Variants in DNAJC17 observed in about 807,000 individuals in gnomAD.
DNAJC17 encodes the protein DnaJ heat shock protein family (Hsp40) member C17, also known as dnaJ homolog subfamily C member 17.
A neutral mutation model predicts 48.1 loss-of-function variants in DNAJC17; 35 were observed. The ratio of observed to expected loss-of-function variants is 0.73; its 90% CI spans 0.56 to 0.96. DNAJC17 has a LOEUF of 0.96. DNAJC17 is among the 50% of genes least tolerant of loss of function. DNAJC17 has a pLI of 0.00. For synonymous variants in DNAJC17, 117 were observed against 142.7 expected (o/e 0.82, Z 1.28); for missense variants, 355 against 377.1 (o/e 0.94, Z 0.48).
At chr15:40,797,584 TG>T (rs1225059735) in intron 1 of DNAJC17, among the ~76,000 whole-genome samples, 1 of 151,590 alleles carries the variant, frequency 6.6e-6, no homozygotes, top group African/African-American at 2.4e-5. Flanking sequence ...AGCTAATTTT[TG>T]TATTTTAGTA....
intron 1 of DNAJC17, among the ~76,000 whole-genome samples, chr15:40,804,653 A>C (rs1446510684): frequency 6.6e-6 from 1 of 152,224 alleles, no homozygotes; most frequent in Non-Finnish European, 1.5e-5. Flanking sequence ...TCTCTAATTA[A>C]TAGAGAATGA....
chr15:40,795,846 C>T (rs1409259795), intron 1 of DNAJC17, among the ~76,000 whole-genome samples: 4 of 152,140 alleles, frequency 2.6e-5, no homozygotes, highest in African/African-American at 9.7e-5. Context: ...GAGCCAAGAT[C>T]GTGCCACTGC....
At chr15:40,797,362 C>G (rs1349959057) in intron 1 of DNAJC17, among the ~76,000 whole-genome samples, 1 of 152,112 alleles carries the variant, frequency 6.6e-6, no homozygotes, top group South Asian at 2.1e-4. Context: ...AGAGCGAGAC[C>G]CTGTTTCATC....
intron 1 of DNAJC17, among the ~76,000 whole-genome samples, chr15:40,786,402 G>A (rs955885369): frequency 1.3e-5 from 2 of 152,122 alleles, no homozygotes; most frequent in African/African-American, 4.8e-5. Flanking sequence ...AGTGGCTCAC[G>A]CCTGTAATCC....
intron 1 of DNAJC17, among the ~76,000 whole-genome samples, chr15:40,794,116 C>A (rs983597177): frequency 1.3e-5 from 2 of 152,108 alleles, no homozygotes; most frequent in Non-Finnish European, 2.9e-5. Context: ...CTTTGGGAGG[C>A]CGAGGCGGGC....
chr15:40,801,531 C>T (rs984281250), intron 1 of DNAJC17, among the ~76,000 whole-genome samples: 4 of 151,886 alleles, frequency 2.6e-5, no homozygotes, highest in Non-Finnish European at 5.9e-5. Flanking sequence ...CCGAGGTGGG[C>T]GGATCACGAG....
At chr15:40,779,451 T>C in intron 3 of DNAJC17, 94 bp downstream of exon 3, 1 of 1,577,896 alleles carries the variant, frequency 6.3e-7, no homozygotes, top group Non-Finnish European at 8.7e-7. Context: ...CAGCAAGGAC[T>C]GTGCCACATG....
At chr15:40,792,151 A>T (rs1446153040) in intron 1 of DNAJC17, among the ~76,000 whole-genome samples, 1 of 152,210 alleles carries the variant, frequency 6.6e-6, no homozygotes, top group African/African-American at 2.4e-5. Context: ...TGCTCCTTCA[A>T]GCCCTTGTCT....
chr15:40,778,713 T>C (rs1356203323), intron 4 of DNAJC17, among the ~76,000 whole-genome samples: 1 of 152,022 alleles, frequency 6.6e-6, no homozygotes, highest in South Asian at 2.1e-4. Context: ...CTGAGGTGGA[T>C]AGCTTGAGGC....
chr15:40,797,807 C>T (rs1430551301), intron 1 of DNAJC17, among the ~76,000 whole-genome samples: 1 of 150,842 alleles, frequency 6.6e-6, no homozygotes, highest in Non-Finnish European at 1.5e-5. Context: ...CTGCAACCTC[C>T]GCCTCCTGGG....
In DNAJC17 at chr15:40,770,214, T is replaced by G. The variant is rs1299413624; in HGVS notation, c.793-2152A>C. On this transcript the variant is annotated intron_variant, in intron 10 of 10. Coordinates refer to ENST00000220496, the MANE Select transcript of DNAJC17 (RefSeq NM_018163.3). The surrounding 1 kb of genome is among the most constrained non-coding windows in gnomAD (Gnocchi z 5.0). ...TAAGTGCTGCTTCTTCCTCCTGGGTTTTTTTCCACTACCCTATTCAGTAAC... is the reference window on the plus strand; with the variant it reads ...TAAGTGCTGCTTCTTCCTCCTGGGTGTTTTTCCACTACCCTATTCAGTAAC... The G allele has an allele frequency of 3.2e-5, 12 of 372,506 alleles. No homozygotes were observed. The highest frequency in any genetic ancestry group is 4.8e-5 in the Non-Finnish European group (10 of 206,646). 23.1% of individuals were successfully genotyped at this position (372,506 alleles called of 1,614,324 possible).
At chr15:40,799,300 C>T (rs1202850988) in intron 1 of DNAJC17, among the ~76,000 whole-genome samples, 1 of 150,816 alleles carries the variant, frequency 6.6e-6, no homozygotes, top group Non-Finnish European at 1.5e-5. Flanking sequence ...TCCCTAGGAG[C>T]ACTTCCACCC....
At chr15:40,788,683 G>T (rs562476684) in intron 1 of DNAJC17, among the ~76,000 whole-genome samples, 1 of 144,218 alleles carries the variant, frequency 6.9e-6, no homozygotes, top group Non-Finnish European at 1.5e-5. Context: ...GCCACAGAGC[G>T]AGACTCTGTC....
intron 1 of DNAJC17, among the ~76,000 whole-genome samples, chr15:40,801,914 C>CT (rs1450347386): frequency 6.6e-6 from 1 of 152,036 alleles, no homozygotes; most frequent in Non-Finnish European, 1.5e-5. Flanking sequence ...GCAGGCTCCT[C>CT]TAAACATTCA....
intron 1 of DNAJC17, among the ~76,000 whole-genome samples, chr15:40,794,220 CAT>C (rs1384107629): frequency 2.0e-5 from 3 of 151,996 alleles, no homozygotes; most frequent in Non-Finnish European, 2.9e-5. Flanking sequence ...CATGGTGGTG[CAT>C]GCCTATAATC....
At chr15:40,771,606 T>C (rs1243240245) in intron 10 of DNAJC17, 1 of 171,084 alleles carries the variant, frequency 5.8e-6, no homozygotes, top group Non-Finnish European at 1.4e-5. Flanking sequence ...TGCATGACAC[T>C]GAATTGAAAT....
chr15:40,797,487 C>T (rs1340194455), intron 1 of DNAJC17, among the ~76,000 whole-genome samples: 2 of 151,446 alleles, frequency 1.3e-5, no homozygotes, highest in Non-Finnish European at 2.9e-5. Flanking sequence ...AATCTTGGCT[C>T]ACTGCAACCT....
At chr15:40,807,226 C>T (rs1189870018) in intron 1 of DNAJC17, 143 bp downstream of exon 1, 20 of 1,544,028 alleles carry the variant, frequency 1.3e-5, no homozygotes, top group Admixed American at 2.0e-5. Context: ...GGGAGCCCGC[C>T]TGCGGAGGGC....
chr15:40,789,903 CA>C (rs71428311), intron 1 of DNAJC17, among the ~76,000 whole-genome samples: 2,817 of 19,522 alleles, frequency 0.14, 12 homozygotes, highest in East Asian at 0.24. Context: ...CAGACTGTCT[CA>C]AAAAAAAAAA....
Sources: allele counts gnomAD v4.1 joint callset (sites outside exome capture counted in the v4.1 genomes callset), GRCh38; gene constraint gnomAD v4.1.1; non-coding constraint Gnocchi (gnomAD v3.1); transcripts MANE v1.5; gene names NCBI Gene and HGNC (gene_info 2026-07-23, HGNC 2026-07-21).